Variants in ADGRE3 observed in about 807,000 individuals in gnomAD.
The protein encoded by ADGRE3 is adhesion G protein-coupled receptor E3.
A neutral mutation model predicts 80.1 loss-of-function variants in ADGRE3; 88 were observed. The observed-to-expected ratio is 1.10, with a 90% CI of 0.93 to 1.31. The LOEUF (loss-of-function observed/expected upper bound fraction) is 1.31. Ranked by LOEUF, ADGRE3 falls within the 40% of genes most tolerant of loss-of-function variation. ADGRE3 has a pLI of 0.00. For missense variants in ADGRE3, 715 were observed against 776.5 expected (o/e 0.92, Z 0.94); for synonymous variants, 281 against 294.8 (o/e 0.95, Z 0.48).
the ADGRE3 span, among the ~76,000 whole-genome samples, chr19:14,604,217 C>A: frequency 6.6e-6 from 1 of 152,158 alleles, no homozygotes; most frequent in African/African-American, 2.4e-5. Context: ...CCCCAGGTCC[C>A]TTCTGCTTTT....
At chr19:14,669,069 C>T (rs1327580603) in intron 1 of ADGRE3, among the ~76,000 whole-genome samples, 1 of 151,954 alleles carries the variant, frequency 6.6e-6, no homozygotes, top group Non-Finnish European at 1.5e-5. Flanking sequence ...GGATATCTAC[C>T]CAAAGGAAAA....
intron 2 of ADGRE3, among the ~76,000 whole-genome samples, chr19:14,664,688 G>A (rs532880340): frequency 1.1e-3 from 163 of 152,118 alleles, no homozygotes; most frequent in Non-Finnish European, 1.1e-3. Context: ...CAGCCTCGGC[G>A]ACAGAGTGAG....
intron 15 of ADGRE3, among the ~76,000 whole-genome samples, 168 bp from the exon 16 acceptor site, chr19:14,619,639 C>G (rs1970477554): frequency 6.6e-6 from 1 of 152,218 alleles, no homozygotes. Flanking sequence ...ATGTGGTCTT[C>G]TTTGGCTTAG....
rs2075101669 is a variant in ADGRE3, at chr19:14,619,139, T to G, written c.*294A>C. 2.7e-6 allele frequency: 1 copy of G among 376,684 alleles called. No individual in the cohort carries two copies. The highest frequency in any genetic ancestry group is 6.7e-5 in the East Asian group (1 of 14,854). 23.3% of individuals were successfully genotyped at this position (376,684 alleles called of 1,614,324 possible). A position where few individuals can be genotyped will look rare whatever the true frequency, so the allele number is the denominator to read the frequency against. ...GTTTAGGATGAGTGGGACTAAGAAC[T>G]TGAGGAAAAGGACCTCTTCATTTAC... On this transcript the variant is annotated 3_prime_UTR_variant, in exon 16 of 16. Coordinates refer to ENST00000253673, the MANE Select transcript of ADGRE3 (RefSeq NM_032571.5).
downstream of ADGRE3, among the ~76,000 whole-genome samples, chr19:14,615,010 C>T (rs1288243027): frequency 6.6e-6 from 1 of 151,742 alleles, no homozygotes; most frequent in Non-Finnish European, 1.5e-5. Context: ...CTCAGCCTCC[C>T]AAGTAGCTGT....
chr19:14,616,929 G>A (rs910294259), downstream of ADGRE3, among the ~76,000 whole-genome samples: 1 of 149,394 alleles, frequency 6.7e-6, no homozygotes, highest in Non-Finnish European at 1.5e-5. Flanking sequence ...TGAGTAGCTG[G>A]GGATTACAGA....
the ADGRE3 span, among the ~76,000 whole-genome samples, chr19:14,607,353 A>G: frequency 2.7e-5 from 4 of 145,616 alleles, no homozygotes; most frequent in South Asian, 4.3e-4. Context: ...ACAGGTGCCC[A>G]TCACCATGCC....
At chr19:14,617,337 C>CTTTCTTTCTTTCTTTCTTT (rs2075081633), downstream of ADGRE3, among the ~76,000 whole-genome samples, 1 of 34,368 alleles carries the variant, frequency 2.9e-5, no homozygotes, top group Non-Finnish European at 7.7e-5. Context: ...TCCCTCCCTC[C>CTTTCTTTCTTTCTTTCTTT]CTCCCTTTCT....
At chr19:14,619,716 A>G (rs951252449) in intron 15 of ADGRE3, among the ~76,000 whole-genome samples, 2 of 152,176 alleles carry the variant, frequency 1.3e-5, no homozygotes, top group Non-Finnish European at 2.9e-5. Context: ...CAGACATATT[A>G]CACTCTGGAA....
chr19:14,612,111 C>T, the ADGRE3 span, among the ~76,000 whole-genome samples: 4 of 152,188 alleles, frequency 2.6e-5, no homozygotes, highest in African/African-American at 9.7e-5. Context: ...GTTGGGTGTT[C>T]CTTGTCTACT....
intron 2 of ADGRE3, among the ~76,000 whole-genome samples, chr19:14,667,228 G>A (rs190459273): frequency 4.6e-5 from 7 of 152,174 alleles, no homozygotes; most frequent in Admixed American, 3.9e-4. Flanking sequence ...GAAATTTTTT[G>A]GAGTGAAATG....
At chr19:14,641,977 C>T (rs568738570) in intron 9 of ADGRE3, among the ~76,000 whole-genome samples, 1 of 152,096 alleles carries the variant, frequency 6.6e-6, no homozygotes, top group East Asian at 1.9e-4. Flanking sequence ...TGAGTTTGGA[C>T]ATATGATTTT....
chr19:14,652,583 C>A (rs1020067513), intron 6 of ADGRE3, among the ~76,000 whole-genome samples: 1 of 151,762 alleles, frequency 6.6e-6, no homozygotes, highest in Middle Eastern at 3.4e-3. Context: ...AGTTCAAGAC[C>A]AGCCTGGCCA....
chr19:14,642,314 C>G (rs1971276758), intron 9 of ADGRE3, among the ~76,000 whole-genome samples: 1 of 152,018 alleles, frequency 6.6e-6, no homozygotes, highest in Non-Finnish European at 1.5e-5. Context: ...GAGTTCAAGA[C>G]CGACCTGAGC....
chr19:14,602,350 C>T, the ADGRE3 span, among the ~76,000 whole-genome samples: 1,844 of 152,272 alleles, frequency 0.012, 37 homozygotes, highest in African/African-American at 0.042. Flanking sequence ...AGTGCAGTGG[C>T]GCAGCCTCAG....
chr19:14,644,648 G>A (rs1971350644), intron 8 of ADGRE3, among the ~76,000 whole-genome samples: 1 of 152,044 alleles, frequency 6.6e-6, no homozygotes, highest in African/African-American at 2.4e-5. Flanking sequence ...CCTCAGGAGG[G>A]ACAGTTCTCA....
chr19:14,635,024 G>A (rs1970999634), intron 11 of ADGRE3, among the ~76,000 whole-genome samples: 1 of 152,138 alleles, frequency 6.6e-6, no homozygotes, highest in African/African-American at 2.4e-5. Context: ...TAGAGGCTGT[G>A]CACAAACTGT....
At chr19:14,650,541 T>C (rs1336780973) in intron 7 of ADGRE3, among the ~76,000 whole-genome samples, 1 of 151,636 alleles carries the variant, frequency 6.6e-6, no homozygotes, top group African/African-American at 2.4e-5. Context: ...TCCACCTCTC[T>C]CCCCATCTTT....
At chr19:14,662,226 G>A (rs769823705) in intron 3 of ADGRE3, 108 bp from the exon 4 acceptor site, 3 of 1,104,982 alleles carry the variant, frequency 2.7e-6, no homozygotes, top group African/African-American at 1.6e-5. Flanking sequence ...CTGGCTTTCC[G>A]AGACAAATCA....
Sources: gnomAD v4.1 joint callset for allele counts (sites outside exome capture counted in the v4.1 genomes callset) on GRCh38, gnomAD v4.1.1 for gene constraint, MANE v1.5 for transcripts, NCBI Gene and HGNC (gene_info 2026-07-23, HGNC 2026-07-21) for gene names.